The following ADGRG3 variants were observed in gnomAD, a reference collection of about 807,000 sequenced individuals.
ADGRG3 encodes G protein-coupled receptor 97.
A neutral mutation model predicts 54.3 loss-of-function variants in ADGRG3; 39 were observed. The observed-to-expected ratio is 0.72, with a 90% CI of 0.56 to 0.94. ADGRG3 has a LOEUF of 0.94. Among genes scored for constraint, ADGRG3 ranks in the 40% least tolerant of loss-of-function variants. The probability of loss-of-function intolerance (pLI) is 0.00; values close to 1 mark genes in which losing one functional copy is unlikely to be tolerated. For synonymous variants in ADGRG3, 312 were observed against 290.0 expected (o/e 1.08, Z -0.77); for missense variants, 654 against 694.6 (o/e 0.94, Z 0.66).
intron 10 of ADGRG3, among the ~76,000 whole-genome samples, chr16:57,685,303 A>C (rs2048453067): frequency 6.6e-6 from 1 of 152,244 alleles, no homozygotes; most frequent in Non-Finnish European, 1.5e-5. Flanking sequence ...ACTATCCTTC[A>C]GGAGGGCATC....
In ADGRG3 at chr16:57,678,933, A is replaced by T. The variant is rs1036089401; in HGVS notation, c.493-244A>T. On this transcript the variant is annotated intron_variant, in intron 4 of 11. Coordinates refer to ENST00000333493, the MANE Select transcript of ADGRG3 (RefSeq NM_170776.5). ...AGAGGGCAGAGGAGCTCTGGAGGCC[A>T]GCAATGGAGAGCTGTCAGGTGCACA... is the stretch of plus-strand genomic sequence containing the variant. 5.4e-6 allele frequency: 3 copies of T among 558,764 alleles called. No homozygotes were observed. The East Asian group carries it at 9.0e-5, about 17-fold the overall frequency. 34.6% of individuals were successfully genotyped at this position (558,764 alleles called of 1,614,324 possible).
intron 10 of ADGRG3, 77 bp from the exon 11 acceptor site, chr16:57,685,566 G>A (rs2048457943): frequency 1.4e-6 from 2 of 1,423,224 alleles, no homozygotes; most frequent in Non-Finnish European, 2.0e-6. Context: ...AGACAGAAAA[G>A]CTCAGCCAGG....
chr16:57,677,758 G>A (rs1293333933), intron 3 of ADGRG3, among the ~76,000 whole-genome samples: 7 of 152,092 alleles, frequency 4.6e-5, no homozygotes, highest in Non-Finnish European at 7.3e-5. Flanking sequence ...CCTTCCTGAC[G>A]GTTTTATTCT....
At chr16:57,670,532 T>C (rs1597752742) in intron 1 of ADGRG3, among the ~76,000 whole-genome samples, 1 of 151,542 alleles carries the variant, frequency 6.6e-6, no homozygotes, top group South Asian at 2.1e-4. Context: ...TCCCCTCTCC[T>C]CTCTTCCCTC....
chr16:57,675,784 C>A (rs2148700784), intron 2 of ADGRG3, among the ~76,000 whole-genome samples: 1 of 151,922 alleles, frequency 6.6e-6, no homozygotes, highest in East Asian at 1.9e-4. Flanking sequence ...AGACAGAAGG[C>A]AGATTAGTGA....
chr16:57,666,085 G>C (rs902785388), upstream of ADGRG3, among the ~76,000 whole-genome samples: 1 of 152,100 alleles, frequency 6.6e-6, no homozygotes, highest in Admixed American at 6.5e-5. Context: ...CCCAGTGTCC[G>C]GATTGGGCAG....
intron 1 of ADGRG3, among the ~76,000 whole-genome samples, chr16:57,670,802 A>AT (rs1165588343): frequency 7.2e-5 from 11 of 152,116 alleles, no homozygotes; most frequent in African/African-American, 2.7e-4. Context: ...TTCAGCCATT[A>AT]TTTTTATCAT....
upstream of ADGRG3, among the ~76,000 whole-genome samples, chr16:57,666,549 C>T (rs1421616618): frequency 6.6e-6 from 1 of 152,160 alleles, no homozygotes; most frequent in Admixed American, 6.5e-5. Context: ...GGCTGGGTCT[C>T]GCTGGAGGAC....
In ADGRG3 at chr16:57,684,719, C is replaced by T. The variant is rs74873747; in HGVS notation, c.1256+236C>T. On this transcript the variant is annotated intron_variant, in intron 10 of 11. Coordinates refer to ENST00000333493, the MANE Select transcript of ADGRG3 (RefSeq NM_170776.5). ...TGAGAAAGGAGAGGGAGAACTGGAC[C>T]AGGAGGCAGGATGCCTTACTTGAGC... Among the ~76,000 whole-genome samples the T allele has an allele frequency of 2.8e-3, 423 of 152,278 alleles. 9 individuals carry two copies. The South Asian group carries it at 0.05, about 18-fold the overall frequency.
At chr16:57,675,321 A>C (rs371569302) in intron 2 of ADGRG3, among the ~76,000 whole-genome samples, 257 of 152,194 alleles carry the variant, frequency 1.7e-3, no homozygotes, top group African/African-American at 5.4e-3. Context: ...TCTACAAAAA[A>C]TAATTTAAAA....
chr16:57,675,592 C>T (rs1471684246), intron 2 of ADGRG3, among the ~76,000 whole-genome samples: 3 of 152,188 alleles, frequency 2.0e-5, no homozygotes, highest in Non-Finnish European at 4.4e-5. Context: ...GATTGTGCCA[C>T]TGCACTCCAG....
At position 57,668,398 on chromosome 16, in the gene ADGRG3, G is replaced by A. The variant is rs573579893; in HGVS notation, c.51G>A (p.Pro17=). The A allele has an allele frequency of 1.2e-5, 19 of 1,571,554 alleles. No individual in the cohort carries two copies. Among genetic ancestry groups the A allele is most frequent in the African/African-American group, 8.0e-5 (6 of 74,832 alleles). ...LGALLLLLLL[P]TSGQEKPTEG... is the part of the protein sequence containing the mutation. The stretch of plus-strand genomic sequence containing the variant: ...CCCTGCTCCTGCTCCTCCTGCTCCC[G>A]ACCTCAGGTGAGTGGCTGGCACCTC... The change falls in exon 1 of 12, where the codon CCG becomes CCA. Residue 17 remains proline, a synonymous_variant. Transcript: ENST00000333493.
At chr16:57,668,507 G>A in intron 1 of ADGRG3, 102 bp downstream of exon 1, 2 of 1,137,502 alleles carry the variant, frequency 1.8e-6, no homozygotes, top group Admixed American at 2.0e-5. Flanking sequence ...AAGGTGAGGA[G>A]TTGGGGTGTC....
intron 10 of ADGRG3, among the ~76,000 whole-genome samples, chr16:57,684,719 CA>C (rs1260908177): frequency 6.6e-6 from 1 of 152,160 alleles, no homozygotes; most frequent in Non-Finnish European, 1.5e-5. Context: ...AGAACTGGAC[CA>C]GGAGGCAGGA....
intron 8 of ADGRG3, among the ~76,000 whole-genome samples, chr16:57,683,328 C>T (rs1248528506): frequency 4.6e-5 from 7 of 152,160 alleles, no homozygotes; most frequent in Non-Finnish European, 8.8e-5. Context: ...CACCTCCATC[C>T]CATAATTTTA....
chr16:57,679,051 C>T (rs1208270930), intron 4 of ADGRG3, 126 bp from the exon 5 acceptor site: 4 of 1,106,494 alleles, frequency 3.6e-6, no homozygotes, highest in East Asian at 2.4e-5. Flanking sequence ...CTCCCTGGTC[C>T]CCTGGTCTCG....
At chr16:57,680,925 C>A (rs189861245) in intron 8 of ADGRG3, among the ~76,000 whole-genome samples, 1 of 152,276 alleles carries the variant, frequency 6.6e-6, no homozygotes, top group East Asian at 1.9e-4. Context: ...TGGCAGGGTT[C>A]GATCCAGGGG....
chr16:57,675,013 AGC>A (rs1275463594), intron 2 of ADGRG3, among the ~76,000 whole-genome samples: 558 of 42,860 alleles, frequency 0.013, 2 homozygotes, highest in Non-Finnish European at 0.042. Context: ...AAAAAAAAAA[AGC>A]AGCAGCAGCA....
intron 7 of ADGRG3, 30 bp downstream of exon 7, chr16:57,680,395 C>T (rs774474978): frequency 1.3e-6 from 2 of 1,592,706 alleles, no homozygotes; most frequent in Non-Finnish European, 1.7e-6. Context: ...TGATCCCAGC[C>T]ATCCCAGGGG....
Sources: gnomAD v4.1 joint callset for allele counts (sites outside exome capture counted in the v4.1 genomes callset) on GRCh38, gnomAD v4.1.1 for gene constraint, MANE v1.5 for transcripts, NCBI Gene and HGNC (gene_info 2026-07-23, HGNC 2026-07-21) for gene names.